Variants in KYAT1 observed in about 807,000 individuals in gnomAD.
KYAT1 encodes kynurenine--oxoglutarate transaminase 1.
Under a neutral mutation model 52.4 loss-of-function variants are expected in KYAT1, and 47 were observed. That is an observed-to-expected ratio of 0.90 (90% CI 0.71 to 1.14). KYAT1 has a LOEUF of 1.14. Among genes scored for constraint, KYAT1 ranks in the 50% most tolerant of loss-of-function variants. The pLI is 0.00. For synonymous variants in KYAT1, 212 were observed against 209.6 expected (o/e 1.01, Z -0.10); for missense variants, 480 against 557.9 (o/e 0.86, Z 1.41).
chr9:128,861,969 G>A (rs908929772), intron 1 of KYAT1, among the ~76,000 whole-genome samples: 1 of 152,190 alleles, frequency 6.6e-6, no homozygotes, highest in African/African-American at 2.4e-5. Flanking sequence ...AGGACTACAG[G>A]AGGAGCTGGA....
chr9:128,845,290 C>G, intron 2 of KYAT1, 63 bp downstream of exon 2: 1 of 1,423,752 alleles, frequency 7.0e-7, no homozygotes, highest in Non-Finnish European at 9.9e-7. Flanking sequence ...TGCTGTAAAC[C>G]CAGGGATGGC....
Position 128,833,756 on chromosome 9 carries a change from C to G in KYAT1, c.1193G>C (p.Arg398Pro). The stretch of plus-strand genomic sequence containing the variant: ...GCCCTTTACCTTCACAAAACAGAAG[C>G]GGATATAGTGGTCAAAGTGCTTCTG... ...PHQKHFDHYIRFCFVKDEATL... is the reference protein window; with the variant it reads ...PHQKHFDHYIPFCFVKDEATL... Residue 398 changes from arginine to proline, a missense_variant, in exon 12 of 13, where the codon CGC (arginine) becomes CCC (proline). Coordinates refer to ENST00000302586, the MANE Select transcript of KYAT1 (RefSeq NM_004059.5). 6.2e-7 allele frequency: 1 copy of G among 1,614,194 alleles called. No individual in the cohort carries two copies. The highest frequency in any genetic ancestry group is 1.3e-5 in the African/African-American group (1 of 75,052).
upstream of KYAT1, chr9:128,882,444 A>C: frequency 2.9e-6 from 1 of 340,716 alleles, no homozygotes; most frequent in Non-Finnish European, 5.3e-6. Flanking sequence ...CCGGGGCACC[A>C]CCTTCTCGCC....
chr9:128,834,202 A>G (rs1473942497), intron 11 of KYAT1, among the ~76,000 whole-genome samples: 1 of 152,070 alleles, frequency 6.6e-6, no homozygotes, highest in Non-Finnish European at 1.5e-5. Context: ...GGTTGCAGTG[A>G]GCCAGATTGC....
chr9:128,841,735 C>G (rs1413115993), intron 3 of KYAT1, among the ~76,000 whole-genome samples: 1 of 149,752 alleles, frequency 6.7e-6, no homozygotes, highest in Admixed American at 6.7e-5. Flanking sequence ...CAGTGGCTCA[C>G]GCCTGTAATC....
At chr9:128,879,251 A>G (rs1388497843) in intron 1 of KYAT1, among the ~76,000 whole-genome samples, 1 of 151,930 alleles carries the variant, frequency 6.6e-6, no homozygotes, top group Non-Finnish European at 1.5e-5. Context: ...TGGAGCTTGC[A>G]GTGAGCCGAG....
In KYAT1 at chr9:128,837,731, C is replaced by A. The variant is rs753643947; in HGVS notation, c.521G>T (p.Arg174Leu). ...GGTGTTGAGGACCAGGGCTTTGGTG[C>A]GTGATGTGAATTTGCCGGCCAGCTC... ...PMELAGKFTS[R>L]TKALVLNTPN... Residue 174 changes from arginine (R) to leucine (L), a missense_variant, in exon 6 of 13, where the codon CGC becomes CTC. Arg to Leu is a moderately radical substitution (Grantham distance 102, BLOSUM62 -2). Transcript: ENST00000302586. The A allele has an allele frequency of 3.1e-6, 5 of 1,614,096 alleles. No homozygotes were observed. The Middle Eastern group carries it at 5.0e-4, about 160-fold the overall frequency.
chr9:128,873,136 G>A (rs1306293667), intron 1 of KYAT1, among the ~76,000 whole-genome samples: 3 of 147,634 alleles, frequency 2.0e-5, no homozygotes, highest in Non-Finnish European at 4.5e-5. Context: ...CTTAATAATC[G>A]AGAAAATTAT....
chr9:128,860,248 T>C (rs1467963557), intron 1 of KYAT1: 1 of 152,194 alleles, frequency 6.6e-6, no homozygotes, highest in Non-Finnish European at 1.5e-5. Context: ...GTCCACTGAC[T>C]CCCACGCCAA....
At chr9:128,881,500 T>A (rs1249045658) in intron 1 of KYAT1, among the ~76,000 whole-genome samples, 1 of 152,214 alleles carries the variant, frequency 6.6e-6, no homozygotes, top group Non-Finnish European at 1.5e-5. Flanking sequence ...CTGTATGGAT[T>A]ATTTTTTAAT....
chr9:128,859,602 G>A (rs1490854318), intron 1 of KYAT1, among the ~76,000 whole-genome samples: 1 of 151,958 alleles, frequency 6.6e-6, no homozygotes, highest in African/African-American at 2.4e-5. Context: ...CCCAGGAGGT[G>A]GAGGTTGCAG....
intron 1 of KYAT1, among the ~76,000 whole-genome samples, chr9:128,864,936 G>C (rs1350080539): frequency 6.6e-6 from 1 of 151,746 alleles, no homozygotes; most frequent in Non-Finnish European, 1.5e-5. Context: ...CTATAAGAAA[G>C]ATTCCTTCAA....
intron 1 of KYAT1, among the ~76,000 whole-genome samples, chr9:128,863,833 C>T (rs532821088): frequency 1.8e-4 from 27 of 152,140 alleles, no homozygotes; most frequent in South Asian, 2.1e-4. Context: ...GAGGGGACTA[C>T]GCCTCACTTC....
intron 12 of KYAT1, 27 bp from the exon 13 acceptor site, chr9:128,833,670 C>T: frequency 1.2e-6 from 2 of 1,614,174 alleles, no homozygotes; most frequent in Non-Finnish European, 1.7e-6. Flanking sequence ...TAGTCCTACA[C>T]TCTCCCCATG....
At chr9:128,846,927 T>C in intron 1 of KYAT1, 5 of 1,332,952 alleles carry the variant, frequency 3.8e-6, no homozygotes, top group Non-Finnish European at 5.1e-6. Flanking sequence ...CCCACTGCAC[T>C]CTCACTAGAG....
intron 1 of KYAT1, chr9:128,847,709 C>G (rs1056164139): frequency 3.7e-6 from 2 of 543,790 alleles, no homozygotes; most frequent in Non-Finnish European, 6.5e-6. Flanking sequence ...CCAGGAATAG[C>G]ACCAAGTGCT....
chr9:128,879,828 G>A (rs917614914), intron 1 of KYAT1, among the ~76,000 whole-genome samples: 2 of 152,152 alleles, frequency 1.3e-5, no homozygotes, highest in African/African-American at 2.4e-5. Flanking sequence ...TACTCAGCAC[G>A]GGGGCGCTCA....
At position 128,833,508 on chromosome 9, in the gene KYAT1, C is replaced by A; in HGVS notation, c.*76G>T. On this transcript the variant is annotated 3_prime_UTR_variant, in exon 13 of 13. Transcript: ENST00000302586. ...TTCCCCAACCTAGAAATGTCTGAAA[C>A]CTGGACAAAGACAGACACTCAAAGA... 2 of 1,452,032 alleles carry A rather than the reference C, an allele frequency of 1.4e-6. No individual in the cohort carries two copies. Among genetic ancestry groups the A allele is most frequent in the Non-Finnish European group, 1.9e-6 (2 of 1,033,340 alleles). The allele number at this position is 1,452,032 out of a possible 1,614,324, so 89.9% of individuals were successfully genotyped here.
At chr9:128,869,440 C>T (rs376487874) in intron 1 of KYAT1, among the ~76,000 whole-genome samples, 72 of 152,170 alleles carry the variant, frequency 4.7e-4, no homozygotes, top group African/African-American at 1.7e-3. Context: ...GGATTACTGG[C>T]GTGAGCCACC....
Sources: allele counts gnomAD v4.1 joint callset (sites outside exome capture counted in the v4.1 genomes callset), GRCh38; gene constraint gnomAD v4.1.1; transcripts MANE v1.5; gene names NCBI Gene and HGNC (gene_info 2026-07-23, HGNC 2026-07-21).